Variants in CATSPERT observed in about 807,000 individuals in gnomAD.
CATSPERT encodes catsper channel auxiliary subunit tau.
At chr2:201,590,494 T>C in the CATSPERT span, among the ~76,000 whole-genome samples, 4 of 152,068 alleles carry the variant, frequency 2.6e-5, no homozygotes, top group South Asian at 8.3e-4. Context: ...CCTTTGGGTA[T>C]ATACCCAGTA....
the CATSPERT span, among the ~76,000 whole-genome samples, chr2:201,519,968 A>AG: frequency 6.6e-6 from 1 of 152,226 alleles, no homozygotes; most frequent in Non-Finnish European, 1.5e-5. Flanking sequence ...GCAAAGAGAG[A>AG]GAAAAAGATA....
chr2:201,490,879 A>G, the CATSPERT span, among the ~76,000 whole-genome samples: 1,788 of 152,096 alleles, frequency 0.012, 19 homozygotes, highest in Middle Eastern at 0.034. Context: ...GCCCGCCACC[A>G]TGCCCGGCTA....
At chr2:201,558,918 G>T in the CATSPERT span, among the ~76,000 whole-genome samples, 1 of 152,160 alleles carries the variant, frequency 6.6e-6, no homozygotes, top group Non-Finnish European at 1.5e-5. Context: ...TCTAGTACTA[G>T]CTGTGACTAT....
At chr2:201,506,167 T>A in the CATSPERT span, among the ~76,000 whole-genome samples, 1 of 152,098 alleles carries the variant, frequency 6.6e-6, no homozygotes, top group Non-Finnish European at 1.5e-5. Flanking sequence ...CTCGGGAGGC[T>A]GAGGCAGGAG....
At chr2:201,571,725 C>A in the CATSPERT span, among the ~76,000 whole-genome samples, 1 of 152,140 alleles carries the variant, frequency 6.6e-6, no homozygotes, top group Non-Finnish European at 1.5e-5. Flanking sequence ...CATACGTCCT[C>A]AACTCCTCTA....
the CATSPERT span, among the ~76,000 whole-genome samples, chr2:201,524,166 T>TCATCAG: frequency 1.6e-4 from 24 of 151,532 alleles, no homozygotes; most frequent in Non-Finnish European, 3.1e-4. Flanking sequence ...AGACATATAG[T>TCATCAG]CATCAGATTC....
the CATSPERT span, chr2:201,558,208 C>T: frequency 1.3e-5 from 2 of 152,216 alleles, no homozygotes; most frequent in Non-Finnish European, 2.9e-5. Flanking sequence ...AATTAATTCG[C>T]TAAATGTTTA....
chr2:201,599,990 C>CA, the CATSPERT span, among the ~76,000 whole-genome samples: 1 of 152,104 alleles, frequency 6.6e-6, no homozygotes, highest in African/African-American at 2.4e-5. Context: ...ACAACAACAA[C>CA]AAAAACCTAT....
chr2:201,538,994 A>C, the CATSPERT span, among the ~76,000 whole-genome samples: 1 of 152,296 alleles, frequency 6.6e-6, no homozygotes, highest in Non-Finnish European at 1.5e-5. Flanking sequence ...AAAGGACATG[A>C]TCTCATTCTT....
chr2:201,568,904 A>C, the CATSPERT span, among the ~76,000 whole-genome samples: 3 of 152,200 alleles, frequency 2.0e-5, no homozygotes, highest in African/African-American at 7.2e-5. Flanking sequence ...TAACCACTGG[A>C]TATGTTCAGG....
chr2:201,616,256 A>G, the CATSPERT span, among the ~76,000 whole-genome samples: 3 of 152,210 alleles, frequency 2.0e-5, no homozygotes, highest in Non-Finnish European at 4.4e-5. Flanking sequence ...CACAACAAAA[A>G]CAGAGAATTT....
chr2:201,548,864 G>A, the CATSPERT span, among the ~76,000 whole-genome samples: 22 of 152,168 alleles, frequency 1.4e-4, no homozygotes, highest in African/African-American at 4.8e-4. Flanking sequence ...AACTGGGAGG[G>A]CTTTTCTCGT....
chr2:201,532,489 T>C, the CATSPERT span, among the ~76,000 whole-genome samples: 93,194 of 151,992 alleles, frequency 0.61, 30,350 homozygotes, highest in East Asian at 0.95. Flanking sequence ...TTTACATATA[T>C]GCTCTTGGAG....
chr2:201,559,577 C>A, the CATSPERT span, among the ~76,000 whole-genome samples: 1 of 152,334 alleles, frequency 6.6e-6, no homozygotes, highest in Admixed American at 6.5e-5. Flanking sequence ...ATTTAAGAAA[C>A]AGCCCAGTGA....
chr2:201,512,463 T>C, the CATSPERT span, among the ~76,000 whole-genome samples: 1 of 152,176 alleles, frequency 6.6e-6, no homozygotes, highest in Non-Finnish European at 1.5e-5. Flanking sequence ...CCTATTAATG[T>C]CTGGTAACCA....
At chr2:201,498,464 G>A in the CATSPERT span, among the ~76,000 whole-genome samples, 2 of 152,112 alleles carry the variant, frequency 1.3e-5, no homozygotes, top group African/African-American at 4.8e-5. Flanking sequence ...TCCTCTGTCT[G>A]CTTTGTTCTA....
chr2:201,571,035 T>TATG, the CATSPERT span, among the ~76,000 whole-genome samples: 1 of 152,204 alleles, frequency 6.6e-6, no homozygotes, highest in African/African-American at 2.4e-5. Context: ...AATTATTTTT[T>TATG]ATGTTATTTT....
chr2:201,498,307 C>T, the CATSPERT span, among the ~76,000 whole-genome samples: 2 of 152,150 alleles, frequency 1.3e-5, no homozygotes, highest in African/African-American at 4.8e-5. Context: ...CCCCAAAGCC[C>T]CCTGGAGACT....
At chr2:201,516,757 C>T in the CATSPERT span, among the ~76,000 whole-genome samples, 8 of 149,434 alleles carry the variant, frequency 5.4e-5, no homozygotes, top group Admixed American at 2.0e-4. Context: ...GATTTTTTTT[C>T]CCCCCTACCA....
Sources: gnomAD v4.1 joint callset for allele counts (sites outside exome capture counted in the v4.1 genomes callset) on GRCh38, gnomAD v4.1.1 for gene constraint, MANE v1.5 for transcripts, NCBI Gene and HGNC (gene_info 2026-07-23, HGNC 2026-07-21) for gene names.